Variants in GASK1A observed in about 807,000 individuals in gnomAD.
GASK1A encodes the protein Golgi-associated kinase 1A.
Under a neutral mutation model 41.2 loss-of-function variants are expected in GASK1A, and 40 were observed. That is an observed-to-expected ratio of 0.97 (90% CI 0.75 to 1.27). GASK1A has a LOEUF of 1.27. Among genes scored for constraint, GASK1A ranks in the 50% most tolerant of loss-of-function variants. The pLI, the probability that GASK1A is intolerant of heterozygous loss-of-function variation, is 0.00. For missense variants in GASK1A, 678 were observed against 745.1 expected (o/e 0.91, Z 1.05); for synonymous variants, 316 against 307.1 (o/e 1.03, Z -0.30).
intron 1 of GASK1A, among the ~76,000 whole-genome samples, chr3:43,030,125 T>A (rs1054086332): frequency 2.0e-5 from 3 of 152,134 alleles, no homozygotes; most frequent in Middle Eastern, 3.2e-3. Context: ...TTCAAGTGAT[T>A]CTCCCAAGTA....
intron 1 of GASK1A, among the ~76,000 whole-genome samples, chr3:42,980,423 A>G (rs1446324233): frequency 6.6e-6 from 1 of 152,138 alleles, no homozygotes; most frequent in Non-Finnish European, 1.5e-5. Flanking sequence ...CGCAGCAGAA[A>G]ACCCCTGCAA....
At chr3:42,989,185 G>A (rs1055411659) in intron 1 of GASK1A, among the ~76,000 whole-genome samples, 2 of 152,122 alleles carry the variant, frequency 1.3e-5, no homozygotes, top group African/African-American at 2.4e-5. Flanking sequence ...CTGGCCAGGT[G>A]GAAGGAAAGG....
At chr3:42,980,792 T>G (rs1047796601) in intron 1 of GASK1A, among the ~76,000 whole-genome samples, 5 of 152,060 alleles carry the variant, frequency 3.3e-5, no homozygotes, top group African/African-American at 7.2e-5. Flanking sequence ...TCAAAGCTGC[T>G]AAGAGAAGGA....
At position 43,056,164 on chromosome 3, in the gene GASK1A, C is replaced by T. The variant is rs1319130704; in HGVS notation, c.1518-12C>T. 1 of 1,544,606 alleles carries T rather than the reference C, an allele frequency of 6.5e-7. No individual in the cohort carries two copies. The highest frequency in any genetic ancestry group is 8.8e-7 in the Non-Finnish European group (1 of 1,141,726). On this transcript the variant is annotated splice_polypyrimidine_tract_variant and intron_variant, in intron 4 of 4. Transcript: ENST00000430121. ...TTCTTTCTGTTACGGGGCTCTGGGG[C>T]CTTTGCTCCAGGTTTCCTGAGTCTG...
In GASK1A at chr3:43,056,253, C is replaced by T. The variant is rs989803032; in HGVS notation, c.1595C>T (p.Pro532Leu). ...CTGCTGAAGTCGCTGCAGATGGACC[C>T]AGTGTTCTGGGAAAGCCAAGGCGGA... ...NMLLKSLQMD[P>L]VFWESQGGAQ... Residue 532 changes from proline (P) to leucine (L), a missense_variant, in exon 5 of 5, where the codon CCA becomes CTA. Coordinates refer to ENST00000430121, the MANE Select transcript of GASK1A (RefSeq NM_001129908.3). 2.6e-6 allele frequency: 4 copies of T among 1,551,716 alleles called. No individual in the cohort carries two copies. The highest frequency in any genetic ancestry group is 2.4e-5 in the East Asian group (1 of 40,916).
chr3:43,023,810 T>C (rs1003621908), intron 1 of GASK1A, among the ~76,000 whole-genome samples: 1 of 152,180 alleles, frequency 6.6e-6, no homozygotes, highest in Non-Finnish European at 1.5e-5. Flanking sequence ...TGCAATGATA[T>C]TGAATGCCTC....
chr3:43,053,689 T>G, intron 3 of GASK1A, 46 bp downstream of exon 3: 4 of 1,549,118 alleles, frequency 2.6e-6, no homozygotes, highest in Non-Finnish European at 3.5e-6. Context: ...GACCCAGGTC[T>G]TTCTGTGTCC....
intron 3 of GASK1A, chr3:43,054,066 C>G: frequency 3.0e-6 from 1 of 329,084 alleles, no homozygotes; most frequent in South Asian, 2.6e-5. Flanking sequence ...CCCAAGACTG[C>G]AGTGGCTCAC....
intron 1 of GASK1A, among the ~76,000 whole-genome samples, chr3:42,988,223 C>T (rs2089322446): frequency 1.3e-5 from 2 of 152,122 alleles, no homozygotes; most frequent in African/African-American, 4.8e-5. Context: ...CCAACTTCTC[C>T]TCCTGCCATG....
At chr3:42,988,944 C>A (rs1169476368) in intron 1 of GASK1A, among the ~76,000 whole-genome samples, 1 of 152,234 alleles carries the variant, frequency 6.6e-6, no homozygotes, top group African/African-American at 2.4e-5. Flanking sequence ...ACTTCCAATG[C>A]ACTGGGCACT....
At chr3:42,995,385 T>C (rs1260991417) in intron 1 of GASK1A, among the ~76,000 whole-genome samples, 1 of 152,212 alleles carries the variant, frequency 6.6e-6, no homozygotes, top group Non-Finnish European at 1.5e-5. Context: ...TGTAGGGACC[T>C]GGGCCCAAAG....
rs184065625 is a variant in GASK1A at position 43,037,505 on chromosome 3, A to G, written c.1290+3952A>G. On this transcript the variant is annotated intron_variant, in intron 2 of 4. Transcript: ENST00000430121. ...CTGGAAGGGTAAGGTATTTAGGAAT[A>G]TCTGGAGAGAAAGAACCTGCAGTTA... 140 of 479,536 alleles carry G rather than the reference A, an allele frequency of 2.9e-4. 1 individual carries two copies. In the East Asian group the frequency reaches 4.3e-3, roughly 15 times the overall value. 29.7% of individuals were successfully genotyped at this position (479,536 alleles called of 1,614,324 possible).
At chr3:42,981,430 C>T (rs2089282379) in intron 1 of GASK1A, among the ~76,000 whole-genome samples, 1 of 152,128 alleles carries the variant, frequency 6.6e-6, no homozygotes, top group Non-Finnish European at 1.5e-5. Flanking sequence ...AGAGATTGGA[C>T]TAGATGTTAT....
chr3:43,017,968 C>T (rs2089502589), intron 1 of GASK1A, among the ~76,000 whole-genome samples: 1 of 151,284 alleles, frequency 6.6e-6, no homozygotes, highest in South Asian at 2.1e-4. Context: ...TGTGATGTCA[C>T]AGGAAGGGCT....
At chr3:42,996,107 G>A (rs549035462) in intron 1 of GASK1A, among the ~76,000 whole-genome samples, 1 of 130,056 alleles carries the variant, frequency 7.7e-6, no homozygotes, top group Middle Eastern at 3.7e-3. Flanking sequence ...ACTGGACCAG[G>A]GCAACCAGCA....
At chr3:43,035,303 A>T (rs2089599128) in intron 2 of GASK1A, among the ~76,000 whole-genome samples, 1 of 152,054 alleles carries the variant, frequency 6.6e-6, no homozygotes, top group Admixed American at 6.6e-5. Flanking sequence ...AGTGCTGGGG[A>T]ATGAGTACCC....
intron 1 of GASK1A, among the ~76,000 whole-genome samples, chr3:43,028,315 C>T (rs895128985): frequency 6.6e-6 from 1 of 152,208 alleles, no homozygotes; most frequent in Admixed American, 6.5e-5. Context: ...TGTCTGGCTT[C>T]CTCTTCCCAT....
rs1356331515 is a variant in GASK1A at position 42,984,316 on chromosome 3, C to CTT, written c.3+4672_3+4673insTT. Among the ~76,000 whole-genome samples the CTT allele has an allele frequency of 6.6e-6, 1 of 151,816 alleles. No individual in the cohort carries two copies. Among genetic ancestry groups the CTT allele is most frequent in the South Asian group, 2.1e-4 (1 of 4,818 alleles). ...TTCCTATCTCTCTCTCTCTCTCTTT[C>CTT]TCTCTCTCTCACACACACACACGCT... On this transcript the variant is annotated intron_variant, in intron 1 of 4. Coordinates refer to ENST00000430121, the MANE Select transcript of GASK1A (RefSeq NM_001129908.3). The surrounding 1 kb of genome is among the most constrained non-coding windows in gnomAD (Gnocchi z 4.2).
At chr3:43,033,809 T>TTA (rs2089592343) in intron 2 of GASK1A, among the ~76,000 whole-genome samples, 1 of 152,206 alleles carries the variant, frequency 6.6e-6, no homozygotes, top group African/African-American at 2.4e-5. Context: ...AACACAGGCA[T>TTA]TATTAAAAAA....
Sources: allele counts gnomAD v4.1 joint callset (sites outside exome capture counted in the v4.1 genomes callset), GRCh38; gene constraint gnomAD v4.1.1; non-coding constraint Gnocchi (gnomAD v3.1); transcripts MANE v1.5; gene names NCBI Gene and HGNC (gene_info 2026-07-23, HGNC 2026-07-21).